The following WDPCP variants were observed in gnomAD, a reference collection of about 807,000 sequenced individuals.
WDPCP encodes WD repeat-containing and planar cell polarity effector protein fritz homolog.
Under a neutral mutation model 93.1 loss-of-function variants are expected in WDPCP, and 71 were observed. The observed-to-expected ratio is 0.76, with a 90% CI of 0.63 to 0.93. WDPCP has a LOEUF of 0.93. WDPCP is among the 40% of genes least tolerant of loss of function. WDPCP has a pLI of 0.00. For synonymous variants in WDPCP, 315 were observed against 315.0 expected (o/e 1.00, Z 0.00); for missense variants, 844 against 887.4 (o/e 0.95, Z 0.62).
At chr2:63,225,968 T>C (rs1428994143) in intron 14 of WDPCP, among the ~76,000 whole-genome samples, 3 of 151,882 alleles carry the variant, frequency 2.0e-5, no homozygotes, top group Non-Finnish European at 2.9e-5. Flanking sequence ...ATGCCAATTA[T>C]ATGTGTGTGT....
intron 10 of WDPCP, among the ~76,000 whole-genome samples, chr2:63,395,735 C>CT (rs909904652): frequency 6.0e-5 from 9 of 151,248 alleles, no homozygotes; most frequent in Admixed American, 6.6e-5. Context: ...TTGAACTGTA[C>CT]TTTTTTTTTG....
At chr2:63,769,404 G>A (rs1247027567) in intron 2 of WDPCP, among the ~76,000 whole-genome samples, 1 of 151,988 alleles carries the variant, frequency 6.6e-6, no homozygotes, top group Non-Finnish European at 1.5e-5. Flanking sequence ...TTTATATGGA[G>A]TATAGTTTGT....
chr2:63,713,814 A>G (rs1462464290), intron 2 of WDPCP, among the ~76,000 whole-genome samples: 1 of 152,220 alleles, frequency 6.6e-6, no homozygotes, highest in East Asian at 1.9e-4. Flanking sequence ...GAGGTTAATT[A>G]TAGTAGGAAC....
intron 14 of WDPCP, among the ~76,000 whole-genome samples, chr2:63,213,375 TG>T: frequency 6.6e-6 from 1 of 152,324 alleles, no homozygotes; most frequent in Admixed American, 6.5e-5. Flanking sequence ...GAATGACTAC[TG>T]GGTATATAAT....
In WDPCP at chr2:63,300,655, A is replaced by G. The variant is rs113681053; in HGVS notation, c.1812+12593T>C. 3.7e-3 allele frequency among the ~76,000 whole-genome samples: 557 copies of G among 152,350 alleles called. 3 individuals carry two copies. Among genetic ancestry groups the G allele is most frequent in the Non-Finnish European group, 5.4e-3 (367 of 68,032 alleles). On this transcript the variant is annotated intron_variant, in intron 13 of 17. Transcript: ENST00000272321. Reference sequence around the variant, plus strand: ...TCCTGTGTATGAAATATATGTGGGAAGTTTTACAGTTCAGGTAAGTAATAT... The same window carrying G: ...TCCTGTGTATGAAATATATGTGGGAGGTTTTACAGTTCAGGTAAGTAATAT...
chr2:63,555,707 G>A (rs895581061), intron 1 of WDPCP, among the ~76,000 whole-genome samples: 1 of 152,146 alleles, frequency 6.6e-6, no homozygotes, highest in Non-Finnish European at 1.5e-5. Context: ...AGGGACCCAG[G>A]AAAACAGAGT....
chr2:63,362,276 G>GTTGGGTGTGTGTGT (rs1690534148), intron 12 of WDPCP, among the ~76,000 whole-genome samples: 1 of 8,140 alleles, frequency 1.2e-4, no homozygotes, highest in African/African-American at 3.4e-3. Context: ...TTTTTTTTTG[G>GTTGGGTGTGTGTGT]TTGTGTGTGT....
chr2:63,504,979 A>G (rs1404451278), intron 1 of WDPCP, among the ~76,000 whole-genome samples: 3 of 152,082 alleles, frequency 2.0e-5, no homozygotes, highest in African/African-American at 7.2e-5. Flanking sequence ...TCAATAAATT[A>G]AGGTCTTCCT....
intron 2 of WDPCP, among the ~76,000 whole-genome samples, chr2:63,721,064 G>A (rs914812004): frequency 1.3e-5 from 2 of 152,178 alleles, no homozygotes; most frequent in Admixed American, 1.3e-4. Context: ...GCAAACAACA[G>A]TTCTTTAACA....
At chr2:63,548,743 C>G (rs1705342516) in intron 1 of WDPCP, among the ~76,000 whole-genome samples, 1 of 151,882 alleles carries the variant, frequency 6.6e-6, no homozygotes, top group Non-Finnish European at 1.5e-5. Flanking sequence ...GATCTTCCAG[C>G]CTCAGCATCC....
At chr2:63,587,528 G>A (rs1048812792) in intron 1 of WDPCP, among the ~76,000 whole-genome samples, 69 of 152,348 alleles carry the variant, frequency 4.5e-4, no homozygotes, top group African/African-American at 1.6e-3. Context: ...TCATTTATCA[G>A]TGACAGAGAA....
Position 63,305,805 on chromosome 2 carries a change from G to GA in WDPCP, c.1812+7442dup, listed in dbSNP as rs1685686242. ...CCAATGCAAGGAAGCTAAGAACCTT[G>GA]AAAAAAAGTTAGAGGAATTGCTAAC... On this transcript the variant is annotated intron_variant, in intron 13 of 17. Coordinates refer to ENST00000272321, the MANE Select transcript of WDPCP (RefSeq NM_015910.7). Among the ~76,000 whole-genome samples the GA allele has an allele frequency of 2.6e-5, 4 of 151,940 alleles. No homozygotes were observed. In the South Asian group the frequency reaches 6.3e-4, roughly 24 times the overall value.
intron 13 of WDPCP, among the ~76,000 whole-genome samples, chr2:63,275,033 C>T (rs1284341645): frequency 6.6e-6 from 1 of 152,040 alleles, no homozygotes; most frequent in Non-Finnish European, 1.5e-5. Context: ...GCCAATATAC[C>T]TGATGAACAC....
intron 14 of WDPCP, among the ~76,000 whole-genome samples, chr2:63,200,088 C>T (rs1675785618): frequency 1.3e-5 from 2 of 152,164 alleles, no homozygotes; most frequent in Admixed American, 1.3e-4. Flanking sequence ...TTTGTTTTGG[C>T]TGATTTATCC....
At chr2:63,224,851 G>A (rs1425896379) in intron 14 of WDPCP, among the ~76,000 whole-genome samples, 2 of 151,902 alleles carry the variant, frequency 1.3e-5, no homozygotes, top group African/African-American at 4.8e-5. Context: ...TATAGAATAT[G>A]CAACACAAAG....
intron 2 of WDPCP, among the ~76,000 whole-genome samples, chr2:63,744,189 C>T (rs1158998284): frequency 1.3e-5 from 2 of 152,058 alleles, no homozygotes; most frequent in Non-Finnish European, 2.9e-5. Context: ...CACTTTTTCT[C>T]GAGCAGAATA....
intron 14 of WDPCP, among the ~76,000 whole-genome samples, chr2:63,214,864 C>T (rs1677178106): frequency 2.0e-5 from 3 of 152,126 alleles, no homozygotes; most frequent in Admixed American, 6.5e-5. Context: ...GAGGGAACTC[C>T]CATTCACAAT....
intron 12 of WDPCP, among the ~76,000 whole-genome samples, chr2:63,326,418 A>T (rs1687545579): frequency 6.6e-6 from 1 of 152,194 alleles, no homozygotes; most frequent in African/African-American, 2.4e-5. Flanking sequence ...TGTACTTGAA[A>T]GTAAGCCTCT....
intron 3 of WDPCP, chr2:63,594,408 T>A: frequency 1.9e-6 from 2 of 1,066,942 alleles, no homozygotes; most frequent in Non-Finnish European, 1.5e-6. Context: ...GTATGTGGAT[T>A]TCTTACTATA....
Sources: allele counts gnomAD v4.1 joint callset (sites outside exome capture counted in the v4.1 genomes callset), GRCh38; gene constraint gnomAD v4.1.1; transcripts MANE v1.5; gene names NCBI Gene and HGNC (gene_info 2026-07-23, HGNC 2026-07-21).